The following RBM39 variants were observed in gnomAD, a reference collection of about 807,000 sequenced individuals.
RBM39 encodes the protein RNA binding motif protein 39.
In RBM39, 12 loss-of-function variants were observed where a neutral mutation model predicts 79.6. The observed-to-expected ratio is 0.15, with a 90% CI of 0.10 to 0.24. The LOEUF is 0.24. Among genes scored for constraint, RBM39 ranks in the 10% least tolerant of loss-of-function variants. The probability of loss-of-function intolerance (pLI) is 1.00; values close to 1 mark genes in which losing one functional copy is unlikely to be tolerated. For missense variants in RBM39, 243 were observed against 653.4 expected, an observed-to-expected ratio of 0.37 and a Z score of 6.85; for synonymous variants, 185 against 208.4, an observed-to-expected ratio of 0.89 and a Z score of 0.97.
chr20:35,715,053 T>G (rs2146541885), intron 10 of RBM39, among the ~76,000 whole-genome samples: 1 of 152,356 alleles, frequency 6.6e-6, no homozygotes, highest in South Asian at 2.1e-4. Context: ...TAAACAGATT[T>G]GCTATCAACA....
chr20:35,738,711 T>C (rs189715907), intron 3 of RBM39, among the ~76,000 whole-genome samples: 17 of 152,306 alleles, frequency 1.1e-4, no homozygotes, highest in Admixed American at 9.8e-4. Context: ...AGACAACCTC[T>C]AATACAGAAC....
chr20:35,707,848 G>C (rs144968538), intron 13 of RBM39: 3 of 456,644 alleles, frequency 6.6e-6, no homozygotes, highest in Non-Finnish European at 1.4e-5. Context: ...ACATACTGGG[G>C]TTTGAAGTTT....
chr20:35,726,423 G>T (rs542410746), intron 6 of RBM39, among the ~76,000 whole-genome samples: 6 of 152,094 alleles, frequency 3.9e-5, no homozygotes, highest in Non-Finnish European at 8.8e-5. Context: ...CAGCCACCAC[G>T]CCTGGCCCAA....
At chr20:35,734,970 G>A (rs1033506811) in intron 3 of RBM39, 1 of 1,610,248 alleles carries the variant, frequency 6.2e-7, no homozygotes, top group Middle Eastern at 1.7e-4. Flanking sequence ...TGGTCCACTG[G>A]GCTGGGCCTT....
chr20:35,724,928 A>C, intron 7 of RBM39, 110 bp downstream of exon 7: 4 of 1,020,792 alleles, frequency 3.9e-6, no homozygotes, highest in Non-Finnish European at 5.9e-6. Context: ...GCAAAATGGA[A>C]ACATTACCAC....
At chr20:35,714,438 A>C (rs748865462) in intron 10 of RBM39, 49 bp from the exon 11 acceptor site, 1 of 1,532,834 alleles carries the variant, frequency 6.5e-7, no homozygotes, top group South Asian at 1.3e-5. Context: ...TAATTTTTAA[A>C]ATACAAACTA....
intron 9 of RBM39, among the ~76,000 whole-genome samples, 189 bp downstream of exon 9, chr20:35,721,551 G>A (rs1418128479): frequency 1.3e-5 from 2 of 151,994 alleles, no homozygotes; most frequent in Non-Finnish European, 2.9e-5. Flanking sequence ...ATGAATAACA[G>A]TAACATTCTT....
chr20:35,723,601 G>A (rs1008715688), intron 8 of RBM39, among the ~76,000 whole-genome samples: 1 of 152,106 alleles, frequency 6.6e-6, no homozygotes, highest in Non-Finnish European at 1.5e-5. Context: ...ACCATGCCCA[G>A]CTAATTTTTG....
chr20:35,734,105 G>T (rs1036179587), intron 3 of RBM39: 22 of 646,454 alleles, frequency 3.4e-5, no homozygotes, highest in Non-Finnish European at 9.1e-6. Flanking sequence ...CATATCACAA[G>T]AGCAACTGAG....
intron 3 of RBM39, among the ~76,000 whole-genome samples, chr20:35,733,927 C>T (rs757446607): frequency 6.6e-6 from 1 of 152,162 alleles, no homozygotes; most frequent in Non-Finnish European, 1.5e-5. Context: ...TGTCATCACC[C>T]AAATTTTAGA....
chr20:35,717,669 C>T (rs1230071776), intron 9 of RBM39, among the ~76,000 whole-genome samples: 1 of 152,088 alleles, frequency 6.6e-6, no homozygotes, highest in African/African-American at 2.4e-5. Flanking sequence ...TTTAGCTGTC[C>T]ATTTAAAAAA....
intron 3 of RBM39, among the ~76,000 whole-genome samples, chr20:35,735,390 T>A (rs1023363193): frequency 6.6e-6 from 1 of 152,210 alleles, no homozygotes; most frequent in Non-Finnish European, 1.5e-5. Flanking sequence ...TTTGTTCCTT[T>A]TACTATTCTA....
chr20:35,714,806 A>G (rs563138894), intron 10 of RBM39, among the ~76,000 whole-genome samples: 1 of 152,328 alleles, frequency 6.6e-6, no homozygotes, highest in Non-Finnish European at 1.5e-5. Flanking sequence ...CCTCATATAT[A>G]AAACATAAAT....
At chr20:35,740,779 C>A in intron 2 of RBM39, 45 bp downstream of exon 2, 2 of 1,566,632 alleles carry the variant, frequency 1.3e-6, no homozygotes, top group Non-Finnish European at 1.7e-6. Context: ...GTGAATAATG[C>A]TAAATTAAGA....
intron 14 of RBM39, among the ~76,000 whole-genome samples, chr20:35,706,489 G>C (rs2035744902): frequency 6.6e-6 from 1 of 152,112 alleles, no homozygotes; most frequent in Non-Finnish European, 1.5e-5. Flanking sequence ...GTCATTATAT[G>C]AAATGTAACT....
At chr20:35,717,153 G>C (rs1363331811) in intron 9 of RBM39, among the ~76,000 whole-genome samples, 3 of 152,080 alleles carry the variant, frequency 2.0e-5, no homozygotes, top group Non-Finnish European at 4.4e-5. Flanking sequence ...GGTGGCGCAT[G>C]CCTGTACGCC....
intron 8 of RBM39, among the ~76,000 whole-genome samples, chr20:35,722,427 A>T (rs531185850): frequency 5.8e-4 from 73 of 126,224 alleles, no homozygotes; most frequent in Middle Eastern, 4.4e-3. Context: ...AAAATAAAAA[A>T]AAAAATAAAA....
chr20:35,724,269 T>C (rs1219793989), intron 8 of RBM39, among the ~76,000 whole-genome samples: 2 of 150,960 alleles, frequency 1.3e-5, no homozygotes, highest in Non-Finnish European at 3.0e-5. Context: ...GAGGTGGAGG[T>C]TGCAGTGAGC....
chr20:35,734,839 C>T, intron 3 of RBM39: 1 of 1,416,168 alleles, frequency 7.1e-7, no homozygotes, highest in Non-Finnish European at 9.2e-7. Flanking sequence ...GCATTTATTA[C>T]ATTAACTAAA....
Sources: allele counts gnomAD v4.1 joint callset (sites outside exome capture counted in the v4.1 genomes callset), GRCh38; gene constraint gnomAD v4.1.1; transcripts MANE v1.5; gene names NCBI Gene and HGNC (gene_info 2026-07-23, HGNC 2026-07-21).